CDK12: variants seen among roughly 807,000 people sequenced by gnomAD.
CDK12 encodes cyclin-dependent kinase 12.
CDK12 carries 17 observed loss-of-function variants against 133.8 expected under a neutral mutation model. The observed-to-expected ratio is 0.13, with a 90% confidence interval of 0.09 to 0.19. CDK12 has a LOEUF of 0.19. Ranked by LOEUF, CDK12 falls within the 10% of genes least tolerant of loss-of-function variation. The pLI, the probability that CDK12 is intolerant of heterozygous loss-of-function variation, is 1.00. For missense variants in CDK12, 1,508 were observed against 1,818.7 expected (o/e 0.83, Z 3.11); for synonymous variants, 694 against 683.6 (o/e 1.02, Z -0.24).
chr17:39,557,035 C>T (rs2056187916), intron 3 of CDK12: 1 of 152,214 alleles, frequency 6.6e-6, no homozygotes, highest in Non-Finnish European at 1.5e-5. Flanking sequence ...ATTGGGTTGC[C>T]TGCACCTGAG....
chr17:39,479,545 C>A (rs926501025), intron 2 of CDK12, among the ~76,000 whole-genome samples: 2 of 151,924 alleles, frequency 1.3e-5, no homozygotes, highest in Non-Finnish European at 2.9e-5. Context: ...TGACAGTGGA[C>A]TTGTAAAAGA....
chr17:39,487,838 C>T (rs2051263596), intron 2 of CDK12, among the ~76,000 whole-genome samples: 1 of 152,024 alleles, frequency 6.6e-6, no homozygotes, highest in Admixed American at 6.6e-5. Flanking sequence ...TGGTCTTGAA[C>T]TCCTGGGCTC....
intron 2 of CDK12, among the ~76,000 whole-genome samples, chr17:39,479,031 G>A (rs1000634785): frequency 4.6e-5 from 7 of 151,748 alleles, no homozygotes; most frequent in East Asian, 3.9e-4. Flanking sequence ...TCTAATGGCC[G>A]GGTGCGGTGG....
rs1259019763 is a variant in CDK12 at position 39,533,699 on chromosome 17, G to C, written c.*2383G>C. On this transcript the variant is annotated 3_prime_UTR_variant, in exon 14 of 14. Coordinates refer to ENST00000447079, the MANE Select transcript of CDK12 (RefSeq NM_016507.4). ...GGGGTGAGTGTATGTGTGAGTGTAT[G>C]TGTATGTATGATCCCATCTCACCCC... is the stretch of plus-strand genomic sequence containing the variant. The C allele has an allele frequency of 4.3e-6, 1 of 232,734 alleles. No individual in the cohort carries two copies. The highest frequency in any genetic ancestry group is 8.5e-6 in the Non-Finnish European group (1 of 117,810). The allele number at this position is 232,734 out of a possible 1,614,324, so 14.4% of individuals were successfully genotyped here. A position where few individuals can be genotyped will look rare whatever the true frequency, so the allele number is the denominator to read the frequency against.
At chr17:39,474,188 T>G (rs572006208) in intron 2 of CDK12, among the ~76,000 whole-genome samples, 2 of 152,368 alleles carry the variant, frequency 1.3e-5, no homozygotes, top group African/African-American at 4.8e-5. Flanking sequence ...ACTGTGATAT[T>G]GTGCTCTTTG....
chr17:39,535,699 C>T (rs2055104024), downstream of CDK12, among the ~76,000 whole-genome samples: 1 of 152,178 alleles, frequency 6.6e-6, no homozygotes, highest in African/African-American at 2.4e-5. Context: ...ATTTCTTAGG[C>T]ACTGTTCTTT....
chr17:39,537,806 CCCG>C (rs1567801379), downstream of CDK12, among the ~76,000 whole-genome samples: 14 of 152,184 alleles, frequency 9.2e-5, no homozygotes, highest in African/African-American at 3.4e-4. Flanking sequence ...TTGTGATCCA[CCCG>C]CCTCGGCCTC....
chr17:39,473,433 A>G (rs539481616), intron 2 of CDK12, among the ~76,000 whole-genome samples: 126 of 152,206 alleles, frequency 8.3e-4, no homozygotes, highest in African/African-American at 2.9e-3. Flanking sequence ...AATTTTATAG[A>G]AGGCATTAAC....
rs1299855271 is a variant in CDK12, at chr17:39,519,952, A to C, written c.2964-4A>C. On this transcript the variant is annotated splice_polypyrimidine_tract_variant and splice_region_variant and intron_variant, in intron 10 of 13. Coordinates refer to ENST00000447079, the MANE Select transcript of CDK12 (RefSeq NM_016507.4). ...ACTTGTCCTTTCTGTGTTCTTTTCCATAGCATTCCTTCTGCAGCACTTGAT... is the reference window on the plus strand; with the variant it reads ...ACTTGTCCTTTCTGTGTTCTTTTCCCTAGCATTCCTTCTGCAGCACTTGAT... 1.2e-6 allele frequency: 2 copies of C among 1,613,584 alleles called. No homozygotes were observed. Among genetic ancestry groups the C allele is most frequent in the Admixed American group, 3.3e-5 (2 of 59,950 alleles).
chr17:39,478,896 T>G (rs1408010261), intron 2 of CDK12, among the ~76,000 whole-genome samples: 1 of 152,140 alleles, frequency 6.6e-6, no homozygotes, highest in Non-Finnish European at 1.5e-5. Context: ...GTGTTTCTGT[T>G]TCTATTTTGT....
In CDK12 at chr17:39,492,804, A is replaced by G; in HGVS notation, c.2162A>G (p.Lys721Arg). 6.2e-7 allele frequency: 1 copy of G among 1,613,466 alleles called. No homozygotes were observed. Among genetic ancestry groups the G allele is most frequent in the Non-Finnish European group, 8.5e-7 (1 of 1,179,552 alleles). ...AGACAAACAGAAAGCGACTGGGGGA[A>G]ACGCTGTGTGGACAAGTTTGACATT... ...ERRQTESDWG[K>R]RCVDKFDIIG... The change falls in exon 4 of 14, where the codon AAA becomes AGA. Residue 721 changes from lysine (K) to arginine (R), a missense_variant. Lys to Arg is a conservative substitution (Grantham distance 26). Around this residue, in one of 9 missense-constraint regions of CDK12, gnomAD observed 74 missense variants for 160.2 expected, o/e 0.46. Coordinates refer to ENST00000447079, the MANE Select transcript of CDK12 (RefSeq NM_016507.4).
At chr17:39,541,619 T>C (rs1172392721) in intron 1 of CDK12, among the ~76,000 whole-genome samples, 2 of 124,490 alleles carry the variant, frequency 1.6e-5, no homozygotes, top group African/African-American at 5.3e-5. Flanking sequence ...CCTCCCAAAG[T>C]GCTGGGATTA....
At position 39,541,935 on chromosome 17, in the gene CDK12, G is replaced by A. The variant is rs116687114; in HGVS notation, c.451-2314G>A. ...TAAGGAAGGAAAGTGCCTTGCCCAC[G>A]CAGTCGCACAGCGAGTTAATGGCAG... is the stretch of plus-strand genomic sequence containing the variant. On this transcript the variant is annotated intron_variant and NMD_transcript_variant, in intron 1 of 4. Transcript: ENST00000559663. 4.7e-3 allele frequency among the ~76,000 whole-genome samples: 714 copies of A among 152,284 alleles called. 10 individuals carry two copies. The highest frequency in any genetic ancestry group is 0.016 in the African/African-American group (671 of 41,550).
intron 6 of CDK12, among the ~76,000 whole-genome samples, chr17:39,501,897 T>C (rs1598081157): frequency 6.6e-6 from 1 of 151,714 alleles, no homozygotes; most frequent in Non-Finnish European, 1.5e-5. Context: ...CAGGCTGGAG[T>C]GCAGTGGCGT....
At chr17:39,479,286 C>A (rs913263018) in intron 2 of CDK12, among the ~76,000 whole-genome samples, 1 of 470 alleles carries the variant, frequency 2.1e-3, no homozygotes, top group Non-Finnish European at 7.1e-3. Context: ...CGAGCCTGGG[C>A]GACAAGAGCG....
chr17:39,489,162 C>A (rs2051375321), intron 2 of CDK12, among the ~76,000 whole-genome samples: 1 of 151,414 alleles, frequency 6.6e-6, no homozygotes, highest in South Asian at 2.1e-4. Context: ...CTCACTGCAA[C>A]CTCCACCCCT....
upstream of CDK12, among the ~76,000 whole-genome samples, chr17:39,545,538 G>GC (rs1190823299): frequency 1.7e-5 from 2 of 117,882 alleles, no homozygotes; most frequent in African/African-American, 6.7e-5. Flanking sequence ...TTGCTCTGTT[G>GC]CCCAGGCTGG....
chr17:39,547,250 C>T (rs769865374), upstream of CDK12, among the ~76,000 whole-genome samples: 10 of 151,910 alleles, frequency 6.6e-5, no homozygotes, highest in East Asian at 1.9e-4. Context: ...ATACTCCTGC[C>T]TCAGCCTCCT....
intron 5 of CDK12, among the ~76,000 whole-genome samples, chr17:39,497,471 A>T (rs1419542729): frequency 2.0e-5 from 3 of 151,694 alleles, no homozygotes; most frequent in Non-Finnish European, 4.4e-5. Flanking sequence ...TGAACCCGGG[A>T]GGTAGAGATT....
Sources: gnomAD v4.1 joint callset for allele counts (sites outside exome capture counted in the v4.1 genomes callset) on GRCh38, gnomAD v4.1.1 for gene constraint, gnomAD v4.1.1 regional missense constraint, MANE v1.5 for transcripts, NCBI Gene and HGNC (gene_info 2026-07-23, HGNC 2026-07-21) for gene names.